Variants in EPS15 observed in about 807,000 individuals in gnomAD.
EPS15 encodes the protein epidermal growth factor receptor pathway substrate 15.
Under a neutral mutation model 113.8 loss-of-function variants are expected in EPS15, and 72 were observed. The ratio of observed to expected loss-of-function variants is 0.63; its 90% CI spans 0.52 to 0.77. EPS15 has a LOEUF of 0.77. EPS15 is among the 30% of genes least tolerant of loss of function. The pLI, the probability that EPS15 is intolerant of heterozygous loss-of-function variation, is 0.00. For missense variants in EPS15, 1,048 were observed against 1,045.8 expected (o/e 1.00, Z -0.03); for synonymous variants, 344 against 363.4 (o/e 0.95, Z 0.61).
At chr1:51,489,725 T>G (rs2148534971) in intron 1 of EPS15, among the ~76,000 whole-genome samples, 1 of 152,236 alleles carries the variant, frequency 6.6e-6, no homozygotes, top group Non-Finnish European at 1.5e-5. Flanking sequence ...CAAGGGTGGG[T>G]TTGGCCATAT....
At chr1:51,447,603 C>A (rs148400828) in intron 9 of EPS15, among the ~76,000 whole-genome samples, 2 of 151,786 alleles carry the variant, frequency 1.3e-5, no homozygotes, top group African/African-American at 4.8e-5. Flanking sequence ...ATAATTTGAT[C>A]CCAAAGAATC....
At chr1:51,400,712 C>CAAAAAAAAAAAAAAAAAAAAAAAAA (rs375748381) in intron 19 of EPS15, among the ~76,000 whole-genome samples, 2 of 60,180 alleles carry the variant, frequency 3.3e-5, no homozygotes, top group Non-Finnish European at 6.3e-5. Context: ...CAAAAAACAC[C>CAAAAAAAAAAAAAAAAAAAAAAAAA]AAAAAAAAAA....
intron 8 of EPS15, 26 bp from the exon 9 acceptor site, chr1:51,448,161 T>C (rs1480311658): frequency 5.4e-6 from 8 of 1,479,246 alleles, no homozygotes; most frequent in East Asian, 2.3e-5. Flanking sequence ...ACCAGGGTCA[T>C]ATATATTAAA....
intron 13 of EPS15, among the ~76,000 whole-genome samples, chr1:51,417,146 T>C (rs1650297431): frequency 6.6e-6 from 1 of 152,122 alleles, no homozygotes; most frequent in South Asian, 2.1e-4. Flanking sequence ...TGTATCTAAT[T>C]TTATTTCTAT....
At position 51,448,038 on chromosome 1, in the gene EPS15, A is replaced by G; in HGVS notation, c.651+8T>C. The G allele has an allele frequency of 6.2e-7, 1 of 1,613,466 alleles. No homozygotes were observed. Among genetic ancestry groups the G allele is most frequent in the Non-Finnish European group, 8.5e-7 (1 of 1,179,530 alleles). ...GGGGATCAACCGCACAGAGCCTGAT[A>G]TACTGACCGTTTTTCTCTTAGATGG... On this transcript the variant is annotated splice_region_variant and intron_variant, in intron 9 of 24. Transcript: ENST00000371733.
rs946026530 is a variant in EPS15, at chr1:51,394,031, A to G, written c.2119+350T>C. Among the ~76,000 whole-genome samples, 4 of 152,316 alleles carry G rather than the reference A, an allele frequency of 2.6e-5. No individual in the cohort carries two copies. The South Asian group carries it at 8.3e-4, about 32-fold the overall frequency. On this transcript the variant is annotated intron_variant, in intron 21 of 24. Coordinates refer to ENST00000371733, the MANE Select transcript of EPS15 (RefSeq NM_001981.3). Reference sequence around the variant, plus strand: ...ATTTGTAAAGCAATTTTCATTTTCTACTGGAAGCCACTAATCTTTTAACTT... The same window carrying G: ...ATTTGTAAAGCAATTTTCATTTTCTGCTGGAAGCCACTAATCTTTTAACTT...
chr1:51,426,837 C>CTA (rs1553124706), intron 12 of EPS15, among the ~76,000 whole-genome samples: 4,089 of 143,484 alleles, frequency 0.028, 82 homozygotes, highest in Non-Finnish European at 0.042. Context: ...CTCTCTCTCT[C>CTA]TATATATATA....
chr1:51,371,450 T>C (rs994525728), intron 21 of EPS15, among the ~76,000 whole-genome samples: 1 of 151,936 alleles, frequency 6.6e-6, no homozygotes, highest in Non-Finnish European at 1.5e-5. Context: ...TTTGTTTGTG[T>C]ATTAATTTTT....
At chr1:51,519,110 G>A (rs1361597731) in intron 1 of EPS15, 89 bp downstream of exon 1, 2 of 911,442 alleles carry the variant, frequency 2.2e-6, no homozygotes, top group South Asian at 2.0e-5. Context: ...TGCCTGCTTG[G>A]CCCACAAGCC....
intron 21 of EPS15, among the ~76,000 whole-genome samples, chr1:51,385,637 A>G (rs1647047251): frequency 6.6e-6 from 1 of 152,220 alleles, no homozygotes; most frequent in Non-Finnish European, 1.5e-5. Flanking sequence ...CACAAACAAA[A>G]TGTGACGGCA....
chr1:51,448,289 G>C (rs1459099635), intron 8 of EPS15, among the ~76,000 whole-genome samples, 154 bp from the exon 9 acceptor site: 1 of 151,966 alleles, frequency 6.6e-6, no homozygotes, highest in Non-Finnish European at 1.5e-5. Flanking sequence ...ATGAGGGAGG[G>C]ATGAAAGGAG....
chr1:51,399,736 G>A (rs751007490), intron 19 of EPS15, among the ~76,000 whole-genome samples: 7 of 152,010 alleles, frequency 4.6e-5, no homozygotes, highest in South Asian at 2.1e-4. Flanking sequence ...GTGCGCGCCC[G>A]TAATCCTGGC....
intron 12 of EPS15, chr1:51,422,171 T>A: frequency 7.4e-6 from 4 of 538,930 alleles, no homozygotes; most frequent in Non-Finnish European, 7.7e-6. Context: ...GGAAATAGTG[T>A]CCAATGAAAA....
chr1:51,446,846 A>G (rs1239282304), intron 10 of EPS15, 114 bp downstream of exon 10: 1 of 848,486 alleles, frequency 1.2e-6, no homozygotes, highest in East Asian at 2.6e-5. Context: ...TTTTCTCTAT[A>G]AAAAATTCTG....
chr1:51,435,928 G>A (rs1165467539), intron 12 of EPS15, among the ~76,000 whole-genome samples: 6 of 152,154 alleles, frequency 3.9e-5, no homozygotes. Context: ...TAAGGTAAAA[G>A]GTATGCTCCA....
chr1:51,390,440 A>G (rs1452741714), intron 21 of EPS15, among the ~76,000 whole-genome samples: 1 of 152,172 alleles, frequency 6.6e-6, no homozygotes, highest in Non-Finnish European at 1.5e-5. Context: ...AAAAGCAATG[A>G]CAACAGAAGC....
intron 24 of EPS15, among the ~76,000 whole-genome samples, chr1:51,357,605 T>C (rs1646268587): frequency 6.7e-6 from 1 of 149,734 alleles, no homozygotes; most frequent in South Asian, 2.1e-4. Flanking sequence ...CATTTTTAAT[T>C]TAATCCCACT....
intron 15 of EPS15, 25 bp from the exon 16 acceptor site, chr1:51,406,133 G>C: frequency 6.3e-7 from 1 of 1,595,868 alleles, no homozygotes; most frequent in Non-Finnish European, 8.6e-7. Context: ...AAGAAATATA[G>C]AACAGAATTT....
At chr1:51,386,183 T>C (rs559958057) in intron 21 of EPS15, among the ~76,000 whole-genome samples, 1 of 152,346 alleles carries the variant, frequency 6.6e-6, no homozygotes, top group Non-Finnish European at 1.5e-5. Flanking sequence ...AGGCATATTT[T>C]CAGGTTCTTG....
Sources: gnomAD v4.1 joint callset for allele counts (sites outside exome capture counted in the v4.1 genomes callset) on GRCh38, gnomAD v4.1.1 for gene constraint, MANE v1.5 for transcripts, NCBI Gene and HGNC (gene_info 2026-07-23, HGNC 2026-07-21) for gene names.